The following LUZP2 variants were observed in gnomAD, a reference collection of about 807,000 sequenced individuals.
The protein encoded by LUZP2 is leucine zipper protein 2.
In LUZP2, 52 loss-of-function variants were observed where a neutral mutation model predicts 51.6. That is an observed-to-expected ratio of 1.01 (90% CI 0.81 to 1.27). The LOEUF (loss-of-function observed/expected upper bound fraction) is 1.27. Among genes scored for constraint, LUZP2 ranks in the 50% most tolerant of loss-of-function variants. The probability of loss-of-function intolerance (pLI) is 0.00; values close to 1 mark genes in which losing one functional copy is unlikely to be tolerated. For synonymous variants in LUZP2, 154 were observed against 137.3 expected (o/e 1.12, Z -0.85); for missense variants, 436 against 395.4 (o/e 1.10, Z -0.87).
intron 5 of LUZP2, chr11:24,892,914 G>T (rs888331040): frequency 4.6e-5 from 7 of 152,152 alleles, no homozygotes; most frequent in Non-Finnish European, 1.0e-4. Context: ...ATACTGAACA[G>T]AATGATGTTT....
At chr11:24,760,661 G>C (rs1185538248) in intron 4 of LUZP2, among the ~76,000 whole-genome samples, 2 of 152,088 alleles carry the variant, frequency 1.3e-5, no homozygotes, top group African/African-American at 2.4e-5. Flanking sequence ...ATACAGGCCT[G>C]AAAGAAAAAA....
At chr11:24,744,376 T>C (rs1859297374) in intron 4 of LUZP2, among the ~76,000 whole-genome samples, 2 of 152,152 alleles carry the variant, frequency 1.3e-5, no homozygotes, top group Admixed American at 6.5e-5. Flanking sequence ...AATTACCATT[T>C]CAATCTTGCT....
rs1454731875 is a variant in LUZP2, at chr11:25,080,160, G to C, written c.*1502G>C. 2 of 152,170 alleles carry C rather than the reference G, an allele frequency of 1.3e-5. No individual in the cohort carries two copies. Among genetic ancestry groups the C allele is most frequent in the Non-Finnish European group, 1.5e-5 (1 of 68,020 alleles). 9.4% of individuals were successfully genotyped at this position (152,170 alleles called of 1,614,324 possible). ...AACTTAACGGTTTTTTCATGATTCT[G>C]TGAAAGCTTCATAATTTCTACATGC... is the stretch of plus-strand genomic sequence containing the variant. On this transcript the variant is annotated 3_prime_UTR_variant, in exon 12 of 12. Transcript: ENST00000336930.
chr11:25,057,801 A>C (rs1858731512), intron 10 of LUZP2, among the ~76,000 whole-genome samples: 1 of 151,956 alleles, frequency 6.6e-6, no homozygotes, highest in Non-Finnish European at 1.5e-5. Context: ...GTCCCTTACC[A>C]AAGGGAGTCT....
At chr11:24,799,588 CA>C (rs35759489) in intron 5 of LUZP2, among the ~76,000 whole-genome samples, 77 of 140,826 alleles carry the variant, frequency 5.5e-4, no homozygotes, top group Middle Eastern at 3.7e-3. Flanking sequence ...AAGACTGTTT[CA>C]AAAAAAAAAA....
chr11:24,558,091 T>C (rs1016039225), intron 1 of LUZP2, among the ~76,000 whole-genome samples: 2 of 152,158 alleles, frequency 1.3e-5, no homozygotes, highest in Non-Finnish European at 2.9e-5. Context: ...GGGTGAATTC[T>C]TGCTCTCTCT....
intron 1 of LUZP2, among the ~76,000 whole-genome samples, chr11:24,641,908 T>A (rs1249705292): frequency 6.6e-6 from 1 of 151,908 alleles, no homozygotes. Context: ...TTATTATTGT[T>A]TTTTGAGATT....
rs553911912 is a variant in LUZP2, at chr11:24,788,099, C to T, written c.396+24791C>T. On this transcript the variant is annotated intron_variant, in intron 5 of 11. Coordinates refer to ENST00000336930, the MANE Select transcript of LUZP2 (RefSeq NM_001009909.4). ...AATCTTAAGTGGGCCCTTACTACTT[C>T]GAAGCAATCCTGAAATTCTGTAAAT... Among the ~76,000 whole-genome samples, 11 of 151,864 alleles carry T rather than the reference C, an allele frequency of 7.2e-5. No individual in the cohort carries two copies. In the South Asian group the frequency reaches 1.0e-3, roughly 14 times the overall value.
chr11:25,018,505 C>A (rs530924383), intron 9 of LUZP2, among the ~76,000 whole-genome samples: 143 of 151,800 alleles, frequency 9.4e-4, no homozygotes, highest in Non-Finnish European at 1.5e-3. Flanking sequence ...ATCATTTATT[C>A]TCCTCCATTC....
intron 7 of LUZP2, among the ~76,000 whole-genome samples, chr11:24,926,909 TTTTTA>T (rs1854293647): frequency 6.6e-6 from 1 of 151,816 alleles, no homozygotes; most frequent in Non-Finnish European, 1.5e-5. Flanking sequence ...AACTATTTTT[TTTTTA>T]TTTTTTGATT....
At chr11:25,050,014 C>G (rs374079988) in intron 9 of LUZP2, 24 bp from the exon 10 acceptor site, 4 of 1,413,062 alleles carry the variant, frequency 2.8e-6, no homozygotes, top group African/African-American at 1.5e-5. Context: ...TTCTTTCTTT[C>G]TATCTCTCTT....
At chr11:24,917,136 T>C (rs2133806194) in intron 7 of LUZP2, among the ~76,000 whole-genome samples, 1 of 152,360 alleles carries the variant, frequency 6.6e-6, no homozygotes, top group East Asian at 1.9e-4. Flanking sequence ...TGACTTCTTT[T>C]GAGAAGTGTC....
intron 1 of LUZP2, among the ~76,000 whole-genome samples, chr11:24,503,038 C>G (rs558429937): frequency 6.6e-6 from 1 of 151,822 alleles, no homozygotes; most frequent in South Asian, 2.1e-4. Context: ...TTTTTTTTTA[C>G]TACGGAGAAC....
In LUZP2 at chr11:25,050,291, CT is replaced by C. The variant is rs71044331; in HGVS notation, c.858+189del. Among the ~76,000 whole-genome samples the C allele has an allele frequency of 4.7e-3, 361 of 77,138 alleles. 1 individual carries two copies. Among genetic ancestry groups the C allele is most frequent in the Non-Finnish European group, 6.7e-3 (278 of 41,288 alleles). The allele number at this position is 77,138 out of a possible 152,430, so 50.6% of individuals were successfully genotyped here. A position where few individuals can be genotyped will look rare whatever the true frequency, so the allele number is the denominator to read the frequency against. On this transcript the variant is annotated intron_variant, in intron 10 of 11. Coordinates refer to ENST00000336930, the MANE Select transcript of LUZP2 (RefSeq NM_001009909.4). ...TAAGAAAGTAAATGTTCTTTATGTT[CT>C]TTTTTTTTTTTTTTTTTTTTTTTTT...
chr11:24,710,929 C>T (rs1590381550), intron 1 of LUZP2, among the ~76,000 whole-genome samples: 1 of 116,168 alleles, frequency 8.6e-6, no homozygotes, highest in East Asian at 2.5e-4. Flanking sequence ...GGATGGAAGG[C>T]AGGAAGGGAG....
At chr11:24,910,107 G>A (rs1475157867) in intron 6 of LUZP2, among the ~76,000 whole-genome samples, 3 of 152,088 alleles carry the variant, frequency 2.0e-5, no homozygotes, top group Admixed American at 2.0e-4. Flanking sequence ...TCAGCATTTT[G>A]CCCCTGCCCT....
intron 5 of LUZP2, among the ~76,000 whole-genome samples, chr11:24,772,193 AC>A (rs1174930379): frequency 1.3e-5 from 2 of 152,230 alleles, no homozygotes; most frequent in Non-Finnish European, 2.9e-5. Flanking sequence ...AATAAAAAAA[AC>A]AATAAAGGTC....
At chr11:24,568,734 A>C (rs560334175) in intron 1 of LUZP2, among the ~76,000 whole-genome samples, 2 of 152,050 alleles carry the variant, frequency 1.3e-5, no homozygotes, top group Admixed American at 1.3e-4. Context: ...AATTATTAAA[A>C]AGAAAGATTT....
chr11:24,560,284 A>C lies in LUZP2; in HGVS notation c.62+62979A>C, dbSNP rs556244502. On this transcript the variant is annotated intron_variant, in intron 1 of 11. Coordinates refer to ENST00000336930, the MANE Select transcript of LUZP2 (RefSeq NM_001009909.4). ...AAAGGTTGCTTGGAGGTCCAGAGAA[A>C]TGATCCAATAAAATAAGCAAAATTT... is the stretch of plus-strand genomic sequence containing the variant. Among the ~76,000 whole-genome samples, 3 of 152,296 alleles carry C rather than the reference A, an allele frequency of 2.0e-5. No individual in the cohort carries two copies. In the South Asian group the frequency reaches 6.2e-4, roughly 32 times the overall value.
Sources: allele counts gnomAD v4.1 joint callset (sites outside exome capture counted in the v4.1 genomes callset), GRCh38; gene constraint gnomAD v4.1.1; transcripts MANE v1.5; gene names NCBI Gene and HGNC (gene_info 2026-07-23, HGNC 2026-07-21).